CADPS: variants seen among roughly 807,000 people sequenced by gnomAD.
The protein encoded by CADPS is calcium dependent secretion activator, also known as calcium-dependent secretion activator 1.
Under a neutral mutation model 167.3 loss-of-function variants are expected in CADPS, and 57 were observed. The observed-to-expected ratio is 0.34, with a 90% confidence interval of 0.28 to 0.42. The LOEUF (loss-of-function observed/expected upper bound fraction) is 0.42, where lower values mean the gene tolerates loss of function less well. Among genes scored for constraint, CADPS ranks in the 20% least tolerant of loss-of-function variants. The pLI is 1.00. For missense variants in CADPS, 1,414 were observed against 1,738.1 expected, an observed-to-expected ratio of 0.81 and a Z score of 3.32; for synonymous variants, 676 against 635.3, an observed-to-expected ratio of 1.06 and a Z score of -0.96.
chr3:62,616,439 A>G (rs2062309027), intron 6 of CADPS, among the ~76,000 whole-genome samples: 1 of 149,766 alleles, frequency 6.7e-6, no homozygotes, highest in South Asian at 2.2e-4. Context: ...AAAAAATCAG[A>G]TACATGACAC....
intron 13 of CADPS, among the ~76,000 whole-genome samples, chr3:62,531,229 TC>T (rs2073604091): frequency 6.6e-6 from 1 of 151,870 alleles, no homozygotes; most frequent in Non-Finnish European, 1.5e-5. Context: ...AACTTCTCTC[TC>T]TCTCTCTCTC....
chr3:62,569,639 G>A (rs771027733), intron 9 of CADPS, among the ~76,000 whole-genome samples: 17 of 152,136 alleles, frequency 1.1e-4, no homozygotes, highest in Admixed American at 6.5e-4. Context: ...GACCTAAAAG[G>A]GAGTTGCTTT....
intron 1 of CADPS, among the ~76,000 whole-genome samples, chr3:62,825,514 G>A (rs989493055): frequency 4.6e-5 from 7 of 152,088 alleles, no homozygotes; most frequent in South Asian, 4.1e-4. Context: ...GAAAACCACC[G>A]TCTTCTATCA....
intron 1 of CADPS, among the ~76,000 whole-genome samples, chr3:62,839,285 C>T (rs1270915845): frequency 6.6e-6 from 1 of 152,062 alleles, no homozygotes; most frequent in African/African-American, 2.4e-5. Context: ...ACCTCTGCCT[C>T]CCGGGTTTAA....
chr3:62,692,891 C>CT (rs1273029711), intron 3 of CADPS, among the ~76,000 whole-genome samples: 9 of 151,946 alleles, frequency 5.9e-5, no homozygotes, highest in Admixed American at 3.9e-4. Context: ...CAAAACCATC[C>CT]AGGTCTCTTC....
At chr3:62,736,097 G>A (rs532368) in intron 3 of CADPS, among the ~76,000 whole-genome samples, 1 of 151,930 alleles carries the variant, frequency 6.6e-6, no homozygotes, top group Non-Finnish European at 1.5e-5. Context: ...GAGGTTGACA[G>A]GTTGGGTTCA....
intron 8 of CADPS, among the ~76,000 whole-genome samples, chr3:62,584,005 C>CT (rs34234122): frequency 0.018 from 2,199 of 123,300 alleles, 60 homozygotes; most frequent in African/African-American, 0.056. Flanking sequence ...ACCCAATCCT[C>CT]TTTTTTTTTT....
chr3:62,408,258 A>T (rs937843216), intron 28 of CADPS, among the ~76,000 whole-genome samples: 1 of 152,226 alleles, frequency 6.6e-6, no homozygotes, highest in African/African-American at 2.4e-5. Context: ...GGGTTGTACA[A>T]GTGCAGGATC....
intron 6 of CADPS, among the ~76,000 whole-genome samples, chr3:62,600,737 T>G (rs559679331): frequency 6.6e-6 from 1 of 152,210 alleles, no homozygotes; most frequent in Admixed American, 6.5e-5. Context: ...TTGGGGGAGA[T>G]GCCCCGTGCA....
intron 6 of CADPS, among the ~76,000 whole-genome samples, chr3:62,632,934 T>C (rs1309277237): frequency 6.6e-6 from 1 of 152,046 alleles, no homozygotes; most frequent in East Asian, 1.9e-4. Flanking sequence ...CTGCCCCAGT[T>C]CACATCTGTA....
intron 13 of CADPS, among the ~76,000 whole-genome samples, chr3:62,523,648 T>G (rs1158290638): frequency 6.6e-6 from 1 of 152,154 alleles, no homozygotes; most frequent in East Asian, 1.9e-4. Flanking sequence ...ATCTATTTGG[T>G]GATTAAGGGC....
chr3:62,411,339 A>C (rs1214202732), intron 28 of CADPS, among the ~76,000 whole-genome samples: 1 of 152,128 alleles, frequency 6.6e-6, no homozygotes. Flanking sequence ...ATGAAATAAC[A>C]TTTTGTTTGT....
At chr3:62,816,019 G>A (rs1218070014) in intron 1 of CADPS, among the ~76,000 whole-genome samples, 1 of 152,150 alleles carries the variant, frequency 6.6e-6, no homozygotes, top group Admixed American at 6.6e-5. Flanking sequence ...AATTTGTGCT[G>A]TAAGAGAGAT....
chr3:62,478,394 C>T lies in CADPS; in HGVS notation c.3196G>A (p.Asp1066Asn). 6.2e-7 allele frequency: 1 copy of T among 1,613,728 alleles called. No homozygotes were observed. The highest frequency in any genetic ancestry group is 8.5e-7 in the Non-Finnish European group (1 of 1,179,758). ...AGGGCGTCAAGTTTCCAAAACAGAT[C>T]TTCTGAGGTGCCTGACCCATTACTG... ...DADNGSGTSEDLFWKLDALQT... is the reference protein window; with the variant it reads ...DADNGSGTSENLFWKLDALQT... The change falls in exon 23 of 30, where the codon GAT (aspartate) becomes AAT (asparagine). Residue 1066 changes from aspartate to asparagine, a missense_variant. Asp to Asn is a conservative substitution (Grantham distance 23). Around this residue, in one of 6 missense-constraint regions of CADPS, gnomAD observed 529 missense variants for 629.6 expected, o/e 0.84. Transcript: ENST00000383710. The surrounding 1 kb of genome is among the most constrained non-coding windows in gnomAD (Gnocchi z 5.7).
intron 3 of CADPS, among the ~76,000 whole-genome samples, chr3:62,677,184 T>G (rs1238942039): frequency 6.6e-6 from 1 of 152,066 alleles, no homozygotes; most frequent in African/African-American, 2.4e-5. Context: ...GAAATAGTCT[T>G]CATAAACTGT....
At chr3:62,592,168 T>C (rs1326369026) in intron 7 of CADPS, among the ~76,000 whole-genome samples, 11 of 152,172 alleles carry the variant, frequency 7.2e-5, no homozygotes, top group Non-Finnish European at 2.9e-5. Flanking sequence ...ACTCTTCATA[T>C]GGGAGCAAGC....
intron 3 of CADPS, among the ~76,000 whole-genome samples, chr3:62,737,708 A>G (rs368658033): frequency 2.6e-5 from 4 of 152,216 alleles, no homozygotes; most frequent in African/African-American, 9.6e-5. Flanking sequence ...TGCTCCATCC[A>G]CACTGATCTT....
chr3:62,504,574 A>G (rs2066309300), intron 17 of CADPS, among the ~76,000 whole-genome samples: 1 of 152,228 alleles, frequency 6.6e-6, no homozygotes, highest in Non-Finnish European at 1.5e-5. Flanking sequence ...GGTCTTGATG[A>G]GAAATTCATA....
At chr3:62,593,751 C>T (rs1343075780) in intron 6 of CADPS, among the ~76,000 whole-genome samples, 1 of 152,230 alleles carries the variant, frequency 6.6e-6, no homozygotes, top group Non-Finnish European at 1.5e-5. Flanking sequence ...CTTAAAACCA[C>T]TGTCCTTTGA....
Sources: gnomAD v4.1 joint callset for allele counts (sites outside exome capture counted in the v4.1 genomes callset) on GRCh38, gnomAD v4.1.1 for gene constraint, gnomAD v4.1.1 regional missense constraint, Gnocchi (gnomAD v3.1) non-coding constraint, MANE v1.5 for transcripts, NCBI Gene and HGNC (gene_info 2026-07-23, HGNC 2026-07-21) for gene names.